The following PKD2L2 variants were observed in gnomAD, a reference collection of about 807,000 sequenced individuals.
The protein encoded by PKD2L2 is polycystin 2 like 2, transient receptor potential cation channel, also known as polycystin-2-like protein 2.
A neutral mutation model predicts 83.9 loss-of-function variants in PKD2L2; 67 were observed. The ratio of observed to expected loss-of-function variants is 0.80; its 90% CI spans 0.66 to 0.98. The LOEUF (loss-of-function observed/expected upper bound fraction) is 0.98. Among genes scored for constraint, PKD2L2 ranks in the 50% least tolerant of loss-of-function variants. The pLI is 0.00. For synonymous variants in PKD2L2, 223 were observed against 237.8 expected, an observed-to-expected ratio of 0.94 and a Z score of 0.57; for missense variants, 632 against 717.2, an observed-to-expected ratio of 0.88 and a Z score of 1.36.
At chr5:137,902,516 T>C (rs1757046950) in intron 5 of PKD2L2, among the ~76,000 whole-genome samples, 1 of 151,894 alleles carries the variant, frequency 6.6e-6, no homozygotes, top group Admixed American at 6.6e-5. Context: ...ACAGTAAACA[T>C]ATTTTCTCTT....
chr5:137,918,045 A>T (rs916366097), intron 8 of PKD2L2, among the ~76,000 whole-genome samples: 3 of 152,190 alleles, frequency 2.0e-5, no homozygotes, highest in Non-Finnish European at 4.4e-5. Context: ...AAGGGAGACC[A>T]TGTCTGTACA....
chr5:137,914,523 G>T (rs1286491711), intron 8 of PKD2L2, among the ~76,000 whole-genome samples: 1 of 152,120 alleles, frequency 6.6e-6, no homozygotes, highest in East Asian at 1.9e-4. Flanking sequence ...TATTCTAATA[G>T]TTTTTTGGTG....
chr5:137,913,466 G>T (rs1314993986), intron 8 of PKD2L2, among the ~76,000 whole-genome samples: 3 of 150,910 alleles, frequency 2.0e-5, no homozygotes, highest in African/African-American at 7.3e-5. Context: ...ATACAGCTGT[G>T]AGTCACTGTG....
At chr5:137,916,049 T>C (rs899093674) in intron 8 of PKD2L2, among the ~76,000 whole-genome samples, 3 of 151,400 alleles carry the variant, frequency 2.0e-5, no homozygotes, top group Admixed American at 6.6e-5. Flanking sequence ...TTTCTTTTTT[T>C]TAAGAGATGG....
rs953761751 is a variant in PKD2L2, at chr5:137,925,174, GT to G, written c.1616+78del. ...CCACATTATATGAGAACCTTATAAGGTTTTTTTTGTTTTTTGTTTGTTTGTT... is the reference window on the plus strand; with the variant it reads ...CCACATTATATGAGAACCTTATAAGGTTTTTTTGTTTTTTGTTTGTTTGTT... On this transcript the variant is annotated intron_variant, in intron 11 of 14. Transcript: ENST00000508883. 7.4e-5 allele frequency: 70 copies of G among 947,734 alleles called. No individual in the cohort carries two copies. The African/African-American group carries it at 8.4e-4, about 11-fold the overall frequency. 58.7% of individuals were successfully genotyped at this position (947,734 alleles called of 1,614,324 possible).
At chr5:137,908,985 T>G (rs1350131470) in intron 8 of PKD2L2, 39 bp downstream of exon 8, 2 of 1,288,982 alleles carry the variant, frequency 1.6e-6, no homozygotes, top group African/African-American at 3.0e-5. Flanking sequence ...TCTTCTATAT[T>G]TTCTTACAAA....
Position 137,907,902 on chromosome 5 carries a change from C to A in PKD2L2, c.1136C>A (p.Ala379Glu). The change falls in exon 7 of 15, where the codon GCA (alanine) becomes GAA (glutamate). Residue 379 changes from alanine (A) to glutamate (E), a missense_variant. Physicochemically the swap from Ala to Glu is moderately radical, Grantham distance 107. Around this residue, in one of 3 missense-constraint regions of PKD2L2, gnomAD observed 399 missense variants for 416.9 expected, o/e 0.96. Coordinates refer to ENST00000508883, the MANE Select transcript of PKD2L2 (RefSeq NM_001300921.2). ...ATAATTGCTATTACCATCTTTTTTGCATGGATAAAGGTATTTATATTTCAT... is the reference window on the plus strand; with the variant it reads ...ATAATTGCTATTACCATCTTTTTTGAATGGATAAAGGTATTTATATTTCAT... ...NNIIAITIFF[A>E]WIKIFKFISF... is the part of the protein sequence containing the mutation. The A allele has an allele frequency of 7.3e-7, 1 of 1,365,830 alleles. No individual in the cohort carries two copies. Among genetic ancestry groups the A allele is most frequent in the Admixed American group, 1.8e-5 (1 of 54,166 alleles). The allele number at this position is 1,365,830 out of a possible 1,614,324, so 84.6% of individuals were successfully genotyped here.
intron 3 of PKD2L2, among the ~76,000 whole-genome samples, chr5:137,893,280 A>G (rs984377389): frequency 2.6e-5 from 4 of 152,154 alleles, no homozygotes; most frequent in African/African-American, 9.7e-5. Flanking sequence ...AAGGTACAGT[A>G]TATAATAAAA....
chr5:137,907,276 T>A (rs2150020655), intron 6 of PKD2L2, among the ~76,000 whole-genome samples: 1 of 152,348 alleles, frequency 6.6e-6, no homozygotes, highest in East Asian at 1.9e-4. Flanking sequence ...AATTTTCATG[T>A]CAGTTATAAA....
chr5:137,889,507 C>A lies in PKD2L2; in HGVS notation c.16C>A (p.Arg6=), dbSNP rs774501132. The A allele has an allele frequency of 1.3e-6, 2 of 1,557,356 alleles. No homozygotes were observed. The highest frequency in any genetic ancestry group is 1.7e-4 in the Middle Eastern group (1 of 5,906). MAEAS[R]WHRGGASKHK... The stretch of plus-strand genomic sequence containing the variant: ...CAGGTCCGCCATGGCTGAGGCGTCA[C>A]GGTGGCACCGAGGCGGTGAGGGGTC... The change falls in exon 1 of 15, where the codon CGG becomes AGG. Residue 6 remains arginine (R), a synonymous_variant. Transcript: ENST00000508883.
At chr5:137,903,352 G>A (rs1285368410) in intron 5 of PKD2L2, among the ~76,000 whole-genome samples, 1 of 152,096 alleles carries the variant, frequency 6.6e-6, no homozygotes, top group African/African-American at 2.4e-5. Context: ...TCAAGGGCTG[G>A]GGCAGTACAC....
chr5:137,917,162 C>CTTTT (rs34636933), intron 8 of PKD2L2, among the ~76,000 whole-genome samples: 4 of 127,198 alleles, frequency 3.1e-5, no homozygotes, highest in Non-Finnish European at 3.2e-5. Context: ...GTTCACTTTT[C>CTTTT]TTTTTTTTTT....
intron 4 of PKD2L2, among the ~76,000 whole-genome samples, chr5:137,898,322 G>GT (rs1435325505): frequency 1.3e-5 from 2 of 152,180 alleles, no homozygotes; most frequent in East Asian, 1.9e-4. Flanking sequence ...AAATATCTAC[G>GT]TAACAACATG....
chr5:137,918,735 C>A (rs1413755734), intron 8 of PKD2L2, among the ~76,000 whole-genome samples: 1 of 152,118 alleles, frequency 6.6e-6, no homozygotes, highest in Non-Finnish European at 1.5e-5. Context: ...TCAATAGACT[C>A]TAGAGTTCCA....
Position 137,892,525 on chromosome 5 carries a change from TTA to T in PKD2L2, c.181_182del (p.Met61ValfsTer12). On this transcript the variant is annotated frameshift_variant, in exon 3 of 15. Transcript: ENST00000508883. LOFTEE classifies it high-confidence loss of function. ...CCACATATGTATTACTTAAACAAGGTTATGTCATCTCTATTTTTGGACACTTC... is the reference window on the plus strand; with the variant it reads ...CCACATATGTATTACTTAAACAAGGTTGTCATCTCTATTTTTGGACACTTC... 6.2e-7 allele frequency: 1 copy of T among 1,603,560 alleles called. No individual in the cohort carries two copies. Among genetic ancestry groups the T allele is most frequent in the Non-Finnish European group, 8.5e-7 (1 of 1,172,180 alleles).
chr5:137,899,842 T>C, intron 5 of PKD2L2, 105 bp downstream of exon 5: 6 of 554,192 alleles, frequency 1.1e-5, no homozygotes, highest in Non-Finnish European at 1.9e-5. Flanking sequence ...ACTGCACAGG[T>C]CCACTTAGAT....
At chr5:137,923,031 A>G (rs974548680) in intron 9 of PKD2L2, among the ~76,000 whole-genome samples, 1 of 125,664 alleles carries the variant, frequency 8.0e-6, no homozygotes, top group Non-Finnish European at 1.7e-5. Flanking sequence ...TTTTTTTTTT[A>G]GACGGAGTCT....
At position 137,907,740 on chromosome 5, in the gene PKD2L2, A is replaced by G. The variant is rs768868186; in HGVS notation, c.976-2A>G. 2.7e-6 allele frequency: 4 copies of G among 1,477,480 alleles called. No individual in the cohort carries two copies. The highest frequency in any genetic ancestry group is 3.6e-6 in the Non-Finnish European group (4 of 1,101,468). 91.5% of individuals were successfully genotyped at this position (1,477,480 alleles called of 1,614,324 possible). ...TTTAACCCTTCTTATTTTCCCATTT[A>G]GTTGTGTTTTGTGGCTGTTTCCTTC... On this transcript the variant is annotated splice_acceptor_variant, in intron 6 of 14. Transcript: ENST00000508883. LOFTEE classifies it high-confidence loss of function.
In PKD2L2 at chr5:137,942,100, A is replaced by G. The variant is rs1038062976; in HGVS notation, c.*18-284A>G. Reference sequence around the variant, plus strand: ...GCACACTTGATTCATTATATTCTTAAGAGAGGTTCTATTTCTGGCTGCAAA... The same window carrying G: ...GCACACTTGATTCATTATATTCTTAGGAGAGGTTCTATTTCTGGCTGCAAA... On this transcript the variant is annotated intron_variant, in intron 14 of 14. Transcript: ENST00000508883. 1.8e-5 allele frequency: 26 copies of G among 1,432,528 alleles called. No individual in the cohort carries two copies. The African/African-American group carries it at 3.5e-4, about 20-fold the overall frequency. 88.7% of individuals were successfully genotyped at this position (1,432,528 alleles called of 1,614,324 possible).
Sources: gnomAD v4.1 joint callset for allele counts (sites outside exome capture counted in the v4.1 genomes callset) on GRCh38, gnomAD v4.1.1 for gene constraint, gnomAD v4.1.1 regional missense constraint, MANE v1.5 for transcripts, NCBI Gene and HGNC (gene_info 2026-07-23, HGNC 2026-07-21) for gene names.